The following FHIT variants were observed in gnomAD, a reference collection of about 807,000 sequenced individuals.
FHIT encodes the protein fragile histidine triad diadenosine triphosphatase.
A neutral mutation model predicts 17.9 loss-of-function variants in FHIT; 19 were observed. The observed-to-expected ratio is 1.06, with a 90% confidence interval of 0.74 to 1.56. The LOEUF is 1.56. Among genes scored for constraint, FHIT ranks in the 40% most tolerant of loss-of-function variants. FHIT has a pLI of 0.00. For missense variants in FHIT, 248 were observed against 189.2 expected (o/e 1.31, Z -1.82); for synonymous variants, 81 against 69.7 (o/e 1.16, Z -0.81).
In FHIT at chr3:60,023,735, T is replaced by C. The variant is rs1700635449; in HGVS notation, c.104-9583A>G. 1.3e-5 allele frequency among the ~76,000 whole-genome samples: 2 copies of C among 152,122 alleles called. 1 individual carries two copies. On this transcript the variant is annotated intron_variant, in intron 5 of 9. Transcript: ENST00000492590. Reference sequence around the variant, plus strand: ...TGAAGCCTCCTTAGAAGAGAGGAAATACTCCTTTATAGATAGGCTCAACTA... The same window carrying C: ...TGAAGCCTCCTTAGAAGAGAGGAAACACTCCTTTATAGATAGGCTCAACTA...
At chr3:60,715,627 G>A (rs1159740681) in intron 4 of FHIT, among the ~76,000 whole-genome samples, 1 of 120,188 alleles carries the variant, frequency 8.3e-6, no homozygotes, top group Non-Finnish European at 1.7e-5. Flanking sequence ...GTTGTGGGGT[G>A]GGGGGAGGGG....
At chr3:59,928,792 C>T (rs1002656226) in intron 7 of FHIT, among the ~76,000 whole-genome samples, 5 of 151,906 alleles carry the variant, frequency 3.3e-5, no homozygotes, top group Middle Eastern at 3.2e-3. Context: ...GTCAGGAGTT[C>T]GAGACCAGCC....
At chr3:59,984,522 T>C (rs1708807081) in intron 7 of FHIT, among the ~76,000 whole-genome samples, 1 of 151,922 alleles carries the variant, frequency 6.6e-6, no homozygotes. Flanking sequence ...CTAAAGTCAA[T>C]AATTCCTGAC....
chr3:60,572,195 T>C (rs1413322236), intron 4 of FHIT, among the ~76,000 whole-genome samples: 1 of 152,148 alleles, frequency 6.6e-6, no homozygotes. Flanking sequence ...ATCTCCAATA[T>C]CAAGGCAGTA....
intron 4 of FHIT, among the ~76,000 whole-genome samples, chr3:60,621,257 T>A (rs2682974): frequency 1.3e-5 from 2 of 150,754 alleles, no homozygotes; most frequent in East Asian, 4.0e-4. Flanking sequence ...CAAGCAATTC[T>A]CCTACCTCAG....
intron 4 of FHIT, among the ~76,000 whole-genome samples, chr3:60,637,825 C>G (rs574122288): frequency 6.6e-6 from 1 of 152,094 alleles, no homozygotes; most frequent in Non-Finnish European, 1.5e-5. Context: ...CTATTTTGGA[C>G]TTTTAAGCAT....
At chr3:60,979,295 C>T (rs1710388812) in intron 3 of FHIT, among the ~76,000 whole-genome samples, 2 of 152,118 alleles carry the variant, frequency 1.3e-5, no homozygotes, top group Non-Finnish European at 2.9e-5. Flanking sequence ...GCTGGGGAAT[C>T]TCAGTTTCTC....
At chr3:60,199,936 G>A (rs955592565) in intron 5 of FHIT, among the ~76,000 whole-genome samples, 1 of 152,098 alleles carries the variant, frequency 6.6e-6, no homozygotes, top group African/African-American at 2.4e-5. Context: ...TGCCTTAACT[G>A]AGATGACAGA....
chr3:61,111,265 T>TCAGG (rs1279616851), intron 2 of FHIT, among the ~76,000 whole-genome samples: 4 of 152,212 alleles, frequency 2.6e-5, no homozygotes, highest in Non-Finnish European at 5.9e-5. Flanking sequence ...AATGATACAT[T>TCAGG]CAGGCAGGCA....
At position 59,882,744 on chromosome 3, in the gene FHIT, A is replaced by G. The variant is rs561120082; in HGVS notation, c.348+39602T>C. On this transcript the variant is annotated intron_variant, in intron 8 of 9. Transcript: ENST00000492590. ...CAAATGGTGCTGCTCCCAAAAACAT[A>G]TGACACCTAACACCTTGGTCCATTG... 5.3e-5 allele frequency among the ~76,000 whole-genome samples: 8 copies of G among 152,336 alleles called. 1 individual carries two copies. Among genetic ancestry groups the G allele is most frequent in the African/African-American group, 1.7e-4 (7 of 41,578 alleles).
chr3:60,738,439 C>G (rs1311214794), intron 4 of FHIT, among the ~76,000 whole-genome samples: 1 of 152,202 alleles, frequency 6.6e-6, no homozygotes, highest in African/African-American at 2.4e-5. Flanking sequence ...GCAGCCTAAA[C>G]AAGCCGTCTT....
At chr3:60,559,389 T>G (rs1207688148) in intron 4 of FHIT, among the ~76,000 whole-genome samples, 3 of 152,206 alleles carry the variant, frequency 2.0e-5, no homozygotes, top group African/African-American at 7.2e-5. Context: ...AAGCATGCAT[T>G]TGCTGTGGCA....
intron 3 of FHIT, among the ~76,000 whole-genome samples, chr3:61,029,622 C>T (rs998947644): frequency 1.3e-5 from 2 of 152,090 alleles, no homozygotes; most frequent in Non-Finnish European, 2.9e-5. Context: ...ACAGCATTTA[C>T]CAAAAAGTTT....
chr3:60,390,869 T>G (rs966551353), intron 5 of FHIT, among the ~76,000 whole-genome samples: 33 of 152,210 alleles, frequency 2.2e-4, no homozygotes, highest in African/African-American at 7.9e-4. Flanking sequence ...AAAAAAAATT[T>G]AAGTTTATAA....
At chr3:61,002,870 C>T (rs905094740) in intron 3 of FHIT, among the ~76,000 whole-genome samples, 2 of 152,162 alleles carry the variant, frequency 1.3e-5, no homozygotes, top group African/African-American at 4.8e-5. Context: ...CTCCATACCC[C>T]TTCTGATAGT....
chr3:60,256,298 C>T (rs779223084), intron 5 of FHIT, among the ~76,000 whole-genome samples: 23 of 152,156 alleles, frequency 1.5e-4, no homozygotes, highest in Admixed American at 1.4e-3. Context: ...TCTCATCTTC[C>T]CATGTCTCTT....
intron 5 of FHIT, among the ~76,000 whole-genome samples, chr3:60,259,373 G>A (rs1706181747): frequency 6.6e-6 from 1 of 152,108 alleles, no homozygotes; most frequent in African/African-American, 2.4e-5. Context: ...ATGGAATCTT[G>A]ATTAAAACTT....
chr3:61,122,768 G>T (rs1169174418), intron 2 of FHIT, among the ~76,000 whole-genome samples: 1 of 151,998 alleles, frequency 6.6e-6, no homozygotes, highest in Admixed American at 6.6e-5. Flanking sequence ...ATCATCACTC[G>T]TCATTAGAAA....
intron 7 of FHIT, among the ~76,000 whole-genome samples, chr3:59,941,414 A>G (rs942109828): frequency 6.6e-6 from 1 of 151,854 alleles, no homozygotes; most frequent in Non-Finnish European, 1.5e-5. Flanking sequence ...ATTGCTCTAC[A>G]TTATGATCTC....
Sources: gnomAD v4.1 joint callset for allele counts (sites outside exome capture counted in the v4.1 genomes callset) on GRCh38, gnomAD v4.1.1 for gene constraint, MANE v1.5 for transcripts, NCBI Gene and HGNC (gene_info 2026-07-23, HGNC 2026-07-21) for gene names.